The following CDH4 variants were observed in gnomAD, a reference collection of about 807,000 sequenced individuals.
The protein encoded by CDH4 is cadherin-4.
A neutral mutation model predicts 86.0 loss-of-function variants in CDH4; 33 were observed. The observed-to-expected ratio is 0.38, with a 90% CI of 0.29 to 0.51. The LOEUF (loss-of-function observed/expected upper bound fraction) is 0.51, where lower values mean the gene tolerates loss of function less well. Ranked by LOEUF, CDH4 falls within the 20% of genes least tolerant of loss-of-function variation. The probability of loss-of-function intolerance (pLI) is 0.86; values close to 1 mark genes in which losing one functional copy is unlikely to be tolerated. For synonymous variants in CDH4, 555 were observed against 549.4 expected, an observed-to-expected ratio of 1.01 and a Z score of -0.14; for missense variants, 1,114 against 1,307.4, an observed-to-expected ratio of 0.85 and a Z score of 2.28.
At chr20:61,426,568 C>T (rs1230682220) in intron 2 of CDH4, among the ~76,000 whole-genome samples, 4 of 152,190 alleles carry the variant, frequency 2.6e-5, no homozygotes, top group Non-Finnish European at 4.4e-5. Context: ...TGCCTTTCCG[C>T]TGTATGTGTG....
At chr20:61,526,532 T>G (rs1018064749) in intron 2 of CDH4, among the ~76,000 whole-genome samples, 5 of 151,970 alleles carry the variant, frequency 3.3e-5, no homozygotes, top group Middle Eastern at 3.2e-3. Flanking sequence ...AGTTTTAGGG[T>G]ACATGTGCAC....
chr20:61,925,120 G>A (rs552836853), intron 11 of CDH4, among the ~76,000 whole-genome samples: 4 of 152,316 alleles, frequency 2.6e-5, no homozygotes, highest in Admixed American at 6.5e-5. Context: ...CACAGCAGAC[G>A]ACCTCAGGAG....
At chr20:61,637,773 C>T (rs942051555) in intron 2 of CDH4, among the ~76,000 whole-genome samples, 2 of 152,132 alleles carry the variant, frequency 1.3e-5, no homozygotes, top group South Asian at 2.1e-4. Context: ...GTAATCCCAG[C>T]ACTTTGGGAG....
intron 2 of CDH4, among the ~76,000 whole-genome samples, chr20:61,353,688 CCT>C (rs1293458691): frequency 0.076 from 2,676 of 35,246 alleles, no homozygotes; most frequent in East Asian, 0.09. Context: ...TCCTCCCCCT[CCT>C]CCTCCCCTCC....
chr20:61,439,657 G>A (rs1003524706), intron 2 of CDH4, among the ~76,000 whole-genome samples: 2 of 152,228 alleles, frequency 1.3e-5, no homozygotes, highest in African/African-American at 4.8e-5. Flanking sequence ...TGGAAGGCGG[G>A]AACATCTCTT....
At chr20:61,466,257 G>A (rs1356689140) in intron 2 of CDH4, among the ~76,000 whole-genome samples, 1 of 152,166 alleles carries the variant, frequency 6.6e-6, no homozygotes, top group African/African-American at 2.4e-5. Context: ...TGTTTTTTAA[G>A]CTTCTCTCCA....
At chr20:61,761,355 C>T (rs1381838048) in intron 3 of CDH4, among the ~76,000 whole-genome samples, 2 of 152,134 alleles carry the variant, frequency 1.3e-5, no homozygotes, top group Non-Finnish European at 2.9e-5. Context: ...GGGAAGAAAT[C>T]GTATCCTCCC....
At chr20:61,570,673 A>C (rs2086335208) in intron 2 of CDH4, 2 of 702,180 alleles carry the variant, frequency 2.8e-6, no homozygotes, top group Non-Finnish European at 5.2e-6. Flanking sequence ...TGGATCCAGA[A>C]CTCAAGTTCC....
Position 61,510,213 on chromosome 20 carries a change from C to T in CDH4, c.170-233350C>T, listed in dbSNP as rs1489257915. On this transcript the variant is annotated intron_variant, in intron 2 of 15. Coordinates refer to ENST00000614565, the MANE Select transcript of CDH4 (RefSeq NM_001794.5). The surrounding 1 kb of genome is among the most constrained non-coding windows in gnomAD (Gnocchi z 4.2). ...AATATGCCAGCATCTATGCGCTCAGCACTCCCGCTCGTGGAGCTCAGGAAA... is the reference window on the plus strand; with the variant it reads ...AATATGCCAGCATCTATGCGCTCAGTACTCCCGCTCGTGGAGCTCAGGAAA... Among the ~76,000 whole-genome samples the T allele has an allele frequency of 2.6e-5, 4 of 152,196 alleles. No homozygotes were observed. The highest frequency in any genetic ancestry group is 9.7e-5 in the African/African-American group (4 of 41,444).
chr20:61,565,375 GTCCTCTTGGTGATGGGGTGA>G (rs2086287377), intron 2 of CDH4, among the ~76,000 whole-genome samples: 2 of 33,784 alleles, frequency 5.9e-5, no homozygotes, highest in East Asian at 8.9e-4. Flanking sequence ...GGTGGTGGTG[GTCCTCTTGGTGATGGGGTGA>G]TGGTGGTGGC....
intron 9 of CDH4, among the ~76,000 whole-genome samples, chr20:61,919,794 CG>C (rs2054946227): frequency 6.8e-6 from 1 of 146,502 alleles, no homozygotes; most frequent in South Asian, 2.2e-4. Context: ...TGCATGGAAG[CG>C]TGTTGTGATT....
intron 2 of CDH4, among the ~76,000 whole-genome samples, chr20:61,605,451 T>G (rs533785596): frequency 6.6e-6 from 1 of 151,282 alleles, no homozygotes; most frequent in African/African-American, 2.4e-5. Context: ...CTCTCTCTCT[T>G]TCTCTGTCTC....
At chr20:61,433,333 A>T (rs2085259346) in intron 2 of CDH4, among the ~76,000 whole-genome samples, 1 of 151,746 alleles carries the variant, frequency 6.6e-6, no homozygotes, top group Non-Finnish European at 1.5e-5. Flanking sequence ...GCCTCCTGTC[A>T]CCCTGCTCTG....
chr20:61,587,414 G>T (rs2086486670), intron 2 of CDH4, among the ~76,000 whole-genome samples: 1 of 152,172 alleles, frequency 6.6e-6, no homozygotes. Context: ...CAGCCTGCTG[G>T]ATTTTAAAAT....
intron 2 of CDH4, among the ~76,000 whole-genome samples, chr20:61,653,314 GAA>G (rs1201462537): frequency 7.4e-6 from 1 of 134,868 alleles, no homozygotes; most frequent in Non-Finnish European, 1.7e-5. Flanking sequence ...AGAACAAAAT[GAA>G]AAGTCTCCCA....
rs186497301 is a variant in CDH4, at chr20:61,892,676, A to G, written c.1051-2234A>G. On this transcript the variant is annotated intron_variant, in intron 7 of 15. Transcript: ENST00000614565. Reference sequence around the variant, plus strand: ...GTATGCCAGGGAGCTTTTGCTGCATAATAAAAGATCCCAAAACTTAGCAGC... The same window carrying G: ...GTATGCCAGGGAGCTTTTGCTGCATGATAAAAGATCCCAAAACTTAGCAGC... Among the ~76,000 whole-genome samples the G allele has an allele frequency of 1.6e-3, 238 of 152,296 alleles. 3 individuals are homozygous for G. The highest frequency in any genetic ancestry group is 5.5e-3 in the African/African-American group (229 of 41,578).
At chr20:61,282,904 G>A (rs1402559890) in intron 2 of CDH4, among the ~76,000 whole-genome samples, 4 of 151,816 alleles carry the variant, frequency 2.6e-5, no homozygotes, top group African/African-American at 9.7e-5. Flanking sequence ...CGCGTGTGCT[G>A]TGGCGTGTGT....
rs566822674 is a variant in CDH4, at chr20:61,710,420, C to T, written c.170-33143C>T. Among the ~76,000 whole-genome samples the T allele has an allele frequency of 4.6e-5, 7 of 152,384 alleles. No homozygotes were observed. The South Asian group carries it at 1.4e-3, about 32-fold the overall frequency. On this transcript the variant is annotated intron_variant, in intron 2 of 15. Coordinates refer to ENST00000614565, the MANE Select transcript of CDH4 (RefSeq NM_001794.5). ...CTCCCAAGCTGCCAAGCCTCCCAGC[C>T]TCTATCTGTGTGCAGGCCCTGAGTC...
intron 2 of CDH4, among the ~76,000 whole-genome samples, chr20:61,459,073 T>C (rs1186982469): frequency 6.6e-6 from 1 of 152,012 alleles, no homozygotes; most frequent in Non-Finnish European, 1.5e-5. Flanking sequence ...TCTCCTTTTT[T>C]AGTCAGTTTG....
Sources: gnomAD v4.1 joint callset for allele counts (sites outside exome capture counted in the v4.1 genomes callset) on GRCh38, gnomAD v4.1.1 for gene constraint, Gnocchi (gnomAD v3.1) non-coding constraint, MANE v1.5 for transcripts, NCBI Gene and HGNC (gene_info 2026-07-23, HGNC 2026-07-21) for gene names.